Variants in IFT70A observed in about 807,000 individuals in gnomAD.
IFT70A encodes intraflagellar transport 70A, also known as intraflagellar transport protein 70A.
the IFT70A span, chr2:177,617,082 C>A: frequency 6.8e-6 from 11 of 1,613,468 alleles, no homozygotes; most frequent in Non-Finnish European, 9.3e-6. Context: ...AGAGATGGTA[C>A]ATTTTCCGAT....
the IFT70A span, chr2:177,617,908 C>A: frequency 1.2e-6 from 2 of 1,614,162 alleles, no homozygotes; most frequent in Non-Finnish European, 1.7e-6. Flanking sequence ...CTCATAGTTT[C>A]TCAGTTGGTA....
the IFT70A span, chr2:177,616,745 ATTGT>A: frequency 1.3e-6 from 2 of 1,546,392 alleles, no homozygotes; most frequent in Middle Eastern, 3.5e-4. Context: ...AAAGCTTTCA[ATTGT>A]CTGGACTCAT....
chr2:177,617,112 C>G, the IFT70A span: 1 of 1,610,444 alleles, frequency 6.2e-7, no homozygotes, highest in Non-Finnish European at 8.5e-7. Flanking sequence ...CATAAGAGAG[C>G]TGCTCTTCCT....
chr2:177,617,359 C>T, the IFT70A span: 117 of 1,595,308 alleles, frequency 7.3e-5, no homozygotes, highest in Admixed American at 2.9e-4. Context: ...CACAGATTTG[C>T]GGAAGACCTT....
chr2:177,618,738 A>G, the IFT70A span: 14 of 1,510,380 alleles, frequency 9.3e-6, no homozygotes, highest in Admixed American at 2.2e-5. Flanking sequence ...TTACCACGGC[A>G]ACAGGGCAAC....
chr2:177,616,669 A>C, the IFT70A span: 3 of 1,475,524 alleles, frequency 2.0e-6, no homozygotes, highest in Admixed American at 2.6e-5. Context: ...GGTACGTAAG[A>C]AAGCCATTTT....
the IFT70A span, chr2:177,618,271 C>T: frequency 1.2e-6 from 2 of 1,614,246 alleles, no homozygotes; most frequent in Non-Finnish European, 1.7e-6. Context: ...TTCTTCTCCC[C>T]CTTCCCCACT....
chr2:177,618,060 A>C, the IFT70A span: 1 of 1,614,158 alleles, frequency 6.2e-7, no homozygotes, highest in Non-Finnish European at 8.5e-7. Flanking sequence ...CACGCTCAAT[A>C]ATCTCAGCGA....
At chr2:177,613,163 G>A in the IFT70A span, 1 of 152,064 alleles carries the variant, frequency 6.6e-6, no homozygotes, top group Non-Finnish European at 1.5e-5. Flanking sequence ...TCTGTTCTTT[G>A]GCATTTTGTG....
At chr2:177,618,675 G>T in the IFT70A span, 6 of 1,594,764 alleles carry the variant, frequency 3.8e-6, no homozygotes, top group East Asian at 2.2e-5. Flanking sequence ...CCCCGTCGGG[G>T]ATCTGCGCGC....
At chr2:177,616,624 A>T in the IFT70A span, 1 of 1,262,424 alleles carries the variant, frequency 7.9e-7, no homozygotes, top group Non-Finnish European at 1.1e-6. Flanking sequence ...ACAAATATAA[A>T]GATGCCAAGG....
the IFT70A span, chr2:177,617,492 T>C: frequency 6.2e-7 from 1 of 1,614,208 alleles, no homozygotes; most frequent in Non-Finnish European, 8.5e-7. Context: ...TCATCATCTC[T>C]GTTGTGTCTT....
chr2:177,618,203 C>A, the IFT70A span: 2 of 1,614,264 alleles, frequency 1.2e-6, no homozygotes, highest in Non-Finnish European at 1.7e-6. Flanking sequence ...TACTGTCCCT[C>A]CTTGTAGAGC....
At chr2:177,616,351 C>T in the IFT70A span, 1 of 170,190 alleles carries the variant, frequency 5.9e-6, no homozygotes, top group Admixed American at 6.3e-5. Context: ...TGCAAACATA[C>T]CCGTACTAAC....
chr2:177,616,041 C>T, the IFT70A span: 2 of 152,102 alleles, frequency 1.3e-5, no homozygotes, highest in Admixed American at 6.5e-5. Context: ...ACTTAAGAAG[C>T]AACCAATCAA....
chr2:177,617,899 T>G, the IFT70A span: 3 of 1,614,216 alleles, frequency 1.9e-6, no homozygotes, highest in South Asian at 2.2e-5. Flanking sequence ...TTGAGCTACC[T>G]CATAGTTTCT....
At chr2:177,617,170 G>A in the IFT70A span, 3 of 1,606,988 alleles carry the variant, frequency 1.9e-6, no homozygotes, top group Non-Finnish European at 2.5e-6. Flanking sequence ...ATTTTGACTT[G>A]TCATAATATA....
At chr2:177,618,053 G>T in the IFT70A span, 11 of 1,614,102 alleles carry the variant, frequency 6.8e-6, no homozygotes, top group East Asian at 2.2e-5. Flanking sequence ...CGGATGCCAC[G>T]CTCAATAATC....
the IFT70A span, chr2:177,614,723 G>T: frequency 6.6e-6 from 1 of 150,456 alleles, no homozygotes; most frequent in African/African-American, 2.5e-5. Flanking sequence ...ATTGACAAAA[G>T]GGAAAAGATA....
Sources: allele counts gnomAD v4.1 joint callset, GRCh38; gene constraint gnomAD v4.1.1; transcripts MANE v1.5; gene names NCBI Gene and HGNC (gene_info 2026-07-23, HGNC 2026-07-21).